Variants in NALCN observed in about 807,000 individuals in gnomAD.
NALCN encodes the protein sodium leak channel, non-selective.
NALCN carries 111 observed loss-of-function variants against 225.3 expected under a neutral mutation model. That is an observed-to-expected ratio of 0.49 (90% CI 0.42 to 0.58). NALCN has a LOEUF of 0.58. Among genes scored for constraint, NALCN ranks in the 20% least tolerant of loss-of-function variants. The pLI is 0.00. For synonymous variants in NALCN, 764 were observed against 769.0 expected (o/e 0.99, Z 0.11); for missense variants, 1,378 against 2,202.4 (o/e 0.63, Z 7.49).
intron 17 of NALCN, among the ~76,000 whole-genome samples, chr13:101,126,795 G>T (rs1398611710): frequency 6.6e-6 from 1 of 152,088 alleles, no homozygotes; most frequent in East Asian, 1.9e-4. Context: ...CCGGCCAAAA[G>T]TTGACTTTTG....
intron 6 of NALCN, among the ~76,000 whole-genome samples, chr13:101,354,482 C>G (rs1191954067): frequency 1.3e-5 from 2 of 152,156 alleles, no homozygotes; most frequent in East Asian, 1.9e-4. Flanking sequence ...GAGATCCTCA[C>G]GCAGCAACTT....
At chr13:101,097,105 A>G (rs1349558847) in intron 27 of NALCN, among the ~76,000 whole-genome samples, 1 of 152,142 alleles carries the variant, frequency 6.6e-6, no homozygotes, top group Non-Finnish European at 1.5e-5. Context: ...AGTAATGCCA[A>G]CGTTACTTCT....
At chr13:101,368,983 G>C (rs749703409) in intron 6 of NALCN, 2 of 356,346 alleles carry the variant, frequency 5.6e-6, no homozygotes, top group South Asian at 4.3e-5. Context: ...TCCAGCCTGG[G>C]TGTCAGAGTG....
At chr13:101,369,972 T>A (rs1456766946) in intron 6 of NALCN, among the ~76,000 whole-genome samples, 2 of 152,230 alleles carry the variant, frequency 1.3e-5, no homozygotes, top group African/African-American at 4.8e-5. Flanking sequence ...TCTCCTTTCC[T>A]GCTTTTAGCA....
At chr13:101,201,123 C>G (rs1005776404) in intron 13 of NALCN, among the ~76,000 whole-genome samples, 1 of 152,020 alleles carries the variant, frequency 6.6e-6, no homozygotes, top group Non-Finnish European at 1.5e-5. Flanking sequence ...ATGGAAAGGA[C>G]TAAGGAACTA....
chr13:101,189,853 G>C (rs1250804721), intron 14 of NALCN, among the ~76,000 whole-genome samples: 1 of 152,192 alleles, frequency 6.6e-6, no homozygotes, highest in African/African-American at 2.4e-5. Context: ...TAAGTGGAAA[G>C]AGTAGAATTA....
At position 101,399,150 on chromosome 13, in the gene NALCN, A is replaced by C; in HGVS notation, c.-24T>G. The stretch of plus-strand genomic sequence containing the variant: ...ATGCTGAGGTTAGCTTTGGTGAGCA[A>C]GCACAAAACCACAGTCTGGGAAAAG... On this transcript the variant is annotated 5_prime_UTR_variant, in exon 2 of 44. Transcript: ENST00000251127. 6.2e-7 allele frequency: 1 copy of C among 1,612,350 alleles called. No individual in the cohort carries two copies. Among genetic ancestry groups the C allele is most frequent in the Non-Finnish European group, 8.5e-7 (1 of 1,178,914 alleles).
intron 30 of NALCN, among the ~76,000 whole-genome samples, chr13:101,086,771 T>C (rs1422107637): frequency 1.3e-5 from 2 of 152,152 alleles, no homozygotes; most frequent in Admixed American, 1.3e-4. Context: ...ATTTTTGCTT[T>C]GTACATTTTG....
chr13:101,071,170 G>C (rs988819510), intron 37 of NALCN, among the ~76,000 whole-genome samples: 5 of 152,220 alleles, frequency 3.3e-5, no homozygotes. Flanking sequence ...TGGGGACACA[G>C]TCAAACCATT....
At chr13:101,116,478 C>A (rs921577402) in intron 18 of NALCN, 9 of 514,610 alleles carry the variant, frequency 1.7e-5, no homozygotes, top group African/African-American at 1.7e-4. Context: ...AGCCTTTAAA[C>A]ACCACTAGTT....
At chr13:101,326,355 A>G (rs775429004) in intron 7 of NALCN, among the ~76,000 whole-genome samples, 2 of 152,226 alleles carry the variant, frequency 1.3e-5, no homozygotes, top group Non-Finnish European at 2.9e-5. Flanking sequence ...GAGTGAATGA[A>G]TAAACTTAAA....
chr13:101,365,534 A>C (rs1020152243), intron 6 of NALCN, among the ~76,000 whole-genome samples: 3 of 152,036 alleles, frequency 2.0e-5, no homozygotes, highest in Admixed American at 2.0e-4. Context: ...TATTTATTTT[A>C]ATAAATGTAA....
intron 16 of NALCN, 110 bp from the exon 17 acceptor site, chr13:101,143,331 T>C: frequency 8.6e-7 from 1 of 1,159,864 alleles, no homozygotes; most frequent in Non-Finnish European, 1.2e-6. Context: ...TGATAAAAGA[T>C]CATAGAAAAC....
intron 28 of NALCN, 120 bp from the exon 29 acceptor site, chr13:101,090,086 A>G (rs2034145539): frequency 2.2e-6 from 3 of 1,348,882 alleles, no homozygotes; most frequent in Non-Finnish European, 3.1e-6. Context: ...ATATACACAC[A>G]CATATATACA....
intron 18 of NALCN, among the ~76,000 whole-genome samples, chr13:101,120,649 G>A (rs1195058876): frequency 6.6e-6 from 1 of 152,232 alleles, no homozygotes; most frequent in East Asian, 1.9e-4. Context: ...ACAACATAAG[G>A]TCACCATTTA....
intron 7 of NALCN, among the ~76,000 whole-genome samples, chr13:101,326,801 G>A (rs2044968778): frequency 6.6e-6 from 1 of 152,210 alleles, no homozygotes; most frequent in Admixed American, 6.5e-5. Context: ...TTCTTCTGCT[G>A]ATCTCAGCTG....
intron 15 of NALCN, among the ~76,000 whole-genome samples, chr13:101,146,538 G>C (rs868556284): frequency 6.6e-6 from 1 of 152,160 alleles, no homozygotes; most frequent in Non-Finnish European, 1.5e-5. Context: ...TCTAAAAGTT[G>C]ATACAACTAG....
At position 101,073,723 on chromosome 13, in the gene NALCN, T is replaced by A. The variant is rs1305740715; in HGVS notation, c.4104-46A>T. The A allele has an allele frequency of 6.5e-6, 10 of 1,528,668 alleles. No homozygotes were observed. The East Asian group carries it at 2.3e-4, about 35-fold the overall frequency. 94.7% of individuals were successfully genotyped at this position (1,528,668 alleles called of 1,614,324 possible). On this transcript the variant is annotated intron_variant, in intron 36 of 43. Coordinates refer to ENST00000251127, the MANE Select transcript of NALCN (RefSeq NM_052867.4). ...TAACAGAATGTGAATTATAGAAGGG[T>A]TTGTCATGAAATAGCATGGTTTGCC...
chr13:101,133,776 T>C (rs886280536), intron 17 of NALCN, among the ~76,000 whole-genome samples: 1 of 152,234 alleles, frequency 6.6e-6, no homozygotes, highest in Non-Finnish European at 1.5e-5. Context: ...ATTATGGATG[T>C]ATATAAAGGT....
Sources: gnomAD v4.1 joint callset for allele counts (sites outside exome capture counted in the v4.1 genomes callset) on GRCh38, gnomAD v4.1.1 for gene constraint, MANE v1.5 for transcripts, NCBI Gene and HGNC (gene_info 2026-07-23, HGNC 2026-07-21) for gene names.